The following GALNT13 variants were observed in gnomAD, a reference collection of about 807,000 sequenced individuals.
GALNT13 encodes polypeptide N-acetylgalactosaminyltransferase 13.
Under a neutral mutation model 64.2 loss-of-function variants are expected in GALNT13, and 28 were observed. The observed-to-expected ratio is 0.44, with a 90% CI of 0.32 to 0.60. GALNT13 has a LOEUF of 0.60. GALNT13 is among the 20% of genes least tolerant of loss of function. GALNT13 has a pLI of 0.05. For missense variants in GALNT13, 577 were observed against 669.8 expected (o/e 0.86, Z 1.53); for synonymous variants, 214 against 224.6 (o/e 0.95, Z 0.42).
At chr2:153,965,183 C>G (rs867536207) in intron 3 of GALNT13, among the ~76,000 whole-genome samples, 3 of 152,028 alleles carry the variant, frequency 2.0e-5, no homozygotes, top group African/African-American at 7.2e-5. Flanking sequence ...CAAGCATTTA[C>G]GATTTTTTTG....
the GALNT13 span, among the ~76,000 whole-genome samples, chr2:153,114,623 G>A: frequency 1.3e-5 from 2 of 152,152 alleles, no homozygotes; most frequent in Non-Finnish European, 1.5e-5. Context: ...ACAACTCAGT[G>A]TAGGAAGGAG....
intron 2 of GALNT13, among the ~76,000 whole-genome samples, chr2:153,913,257 A>C (rs904475861): frequency 6.6e-6 from 1 of 152,120 alleles, no homozygotes; most frequent in East Asian, 1.9e-4. Context: ...ATGCCTGCCA[A>C]TGCTCTGAGG....
rs141279161 is a variant in GALNT13 at position 154,213,765 on chromosome 2, C to A, written c.312-28265C>A. On this transcript the variant is annotated intron_variant, in intron 4 of 12. Transcript: ENST00000392825. ...TGTTTTTATAACAAGATAGATAATG[C>A]TTCAATAACAGGATTGATGAGACGA... Among the ~76,000 whole-genome samples, 401 of 152,188 alleles carry A rather than the reference C, an allele frequency of 2.6e-3. 2 individuals carry two copies. Among genetic ancestry groups the A allele is most frequent in the South Asian group, 6.2e-3 (30 of 4,818 alleles).
chr2:154,114,889 A>T (rs1703198081), intron 3 of GALNT13, among the ~76,000 whole-genome samples: 1 of 152,162 alleles, frequency 6.6e-6, no homozygotes, highest in Non-Finnish European at 1.5e-5. Context: ...GCTCACCTTG[A>T]TTTTGATGGT....
chr2:154,166,966 G>A lies in GALNT13; in HGVS notation c.311+26461G>A, dbSNP rs565193875. Among the ~76,000 whole-genome samples the A allele has an allele frequency of 2.3e-3, 351 of 151,934 alleles. 4 individuals carry two copies. The highest frequency in any genetic ancestry group is 7.7e-3 in the African/African-American group (318 of 41,414). ...CACAGGAAGGGGAACATCACACACC[G>A]GGGCCTGTTGTGGGGTGGGGGGAGT... On this transcript the variant is annotated intron_variant, in intron 4 of 12. Coordinates refer to ENST00000392825, the MANE Select transcript of GALNT13 (RefSeq NM_052917.4).
intron 2 of GALNT13, among the ~76,000 whole-genome samples, chr2:153,936,751 C>T (rs997681857): frequency 4.0e-5 from 6 of 151,072 alleles, no homozygotes; most frequent in Non-Finnish European, 7.4e-5. Context: ...GAGACAGTCT[C>T]ACTCTGTCAC....
chr2:153,758,302 G>T, the GALNT13 span, among the ~76,000 whole-genome samples: 48 of 143,160 alleles, frequency 3.4e-4, no homozygotes, highest in South Asian at 4.5e-4. Flanking sequence ...AATAAATGGG[G>T]TTTTTTTTTT....
At chr2:153,625,134 A>T in the GALNT13 span, among the ~76,000 whole-genome samples, 6 of 152,056 alleles carry the variant, frequency 3.9e-5, no homozygotes, top group Admixed American at 6.6e-5. Flanking sequence ...AAGGCTTTTG[A>T]ACTACAGTCT....
chr2:153,902,344 G>T (rs569015953), intron 2 of GALNT13, among the ~76,000 whole-genome samples: 2 of 152,136 alleles, frequency 1.3e-5, no homozygotes, highest in South Asian at 4.1e-4. Context: ...TAGTGATTTT[G>T]TTTAGTAATT....
chr2:153,835,696 T>C, the GALNT13 span, among the ~76,000 whole-genome samples: 1 of 152,078 alleles, frequency 6.6e-6, no homozygotes, highest in Non-Finnish European at 1.5e-5. Context: ...GTGAATTTCA[T>C]CTACTTATCA....
the GALNT13 span, among the ~76,000 whole-genome samples, chr2:153,250,655 G>C: frequency 6.6e-6 from 1 of 152,126 alleles, no homozygotes; most frequent in Non-Finnish European, 1.5e-5. Flanking sequence ...TGGCAGACTG[G>C]ATAAAGAAAA....
the GALNT13 span, among the ~76,000 whole-genome samples, chr2:153,700,103 C>T: frequency 1.1e-4 from 16 of 152,192 alleles, no homozygotes; most frequent in Non-Finnish European, 1.5e-4. Context: ...CAATAAAATA[C>T]GGGCAAACTG....
chr2:153,613,152 T>A, the GALNT13 span, among the ~76,000 whole-genome samples: 1 of 152,118 alleles, frequency 6.6e-6, no homozygotes, highest in Non-Finnish European at 1.5e-5. Context: ...AGGGAGATAC[T>A]TGTGGAAAAA....
the GALNT13 span, among the ~76,000 whole-genome samples, chr2:153,519,438 T>G: frequency 7.2e-5 from 11 of 152,190 alleles, no homozygotes; most frequent in Admixed American, 5.9e-4. Flanking sequence ...TATTCTTAGA[T>G]TTCCAATTGG....
chr2:154,272,433 A>G (rs1385884169), intron 8 of GALNT13, among the ~76,000 whole-genome samples: 1 of 152,094 alleles, frequency 6.6e-6, no homozygotes, highest in East Asian at 1.9e-4. Flanking sequence ...GTCAACTTTG[A>G]GAAACATACT....
the GALNT13 span, among the ~76,000 whole-genome samples, chr2:153,825,652 G>GTGTA: frequency 4.1e-5 from 6 of 145,580 alleles, no homozygotes; most frequent in Admixed American, 6.9e-5. Flanking sequence ...GTGTGTGTGT[G>GTGTA]TATCCACTGA....
chr2:154,211,543 G>A (rs1247315553), intron 4 of GALNT13, among the ~76,000 whole-genome samples: 2 of 138,658 alleles, frequency 1.4e-5, no homozygotes, highest in African/African-American at 5.5e-5. Flanking sequence ...CAGGATAATC[G>A]ATTGAACCCG....
At chr2:153,931,090 T>TGTGTGTGTGC in intron 2 of GALNT13, among the ~76,000 whole-genome samples, 1 of 151,312 alleles carries the variant, frequency 6.6e-6, no homozygotes, top group South Asian at 2.1e-4. Context: ...TGTGTGTGTG[T>TGTGTGTGTGC]GTGTGTGTGT....
At chr2:154,343,788 T>C (rs1350066931) in intron 9 of GALNT13, among the ~76,000 whole-genome samples, 3 of 152,038 alleles carry the variant, frequency 2.0e-5, no homozygotes, top group African/African-American at 7.2e-5. Context: ...GGGATTTTGG[T>C]TGAATGAAAT....
Sources: allele counts gnomAD v4.1 joint callset (sites outside exome capture counted in the v4.1 genomes callset), GRCh38; gene constraint gnomAD v4.1.1; transcripts MANE v1.5; gene names NCBI Gene and HGNC (gene_info 2026-07-23, HGNC 2026-07-21).